Variants in KDM2B observed in about 807,000 individuals in gnomAD.
The protein encoded by KDM2B is lysine-specific demethylase 2B.
KDM2B carries 26 observed loss-of-function variants against 150.0 expected under a neutral mutation model. The ratio of observed to expected loss-of-function variants is 0.17; its 90% confidence interval spans 0.13 to 0.24. KDM2B has a LOEUF of 0.24. Among genes scored for constraint, KDM2B ranks in the 10% least tolerant of loss-of-function variants. The pLI is 1.00. For missense variants in KDM2B, 1,265 were observed against 1,816.9 expected, an observed-to-expected ratio of 0.70 and a Z score of 5.52; for synonymous variants, 734 against 729.5, an observed-to-expected ratio of 1.01 and a Z score of -0.10.
intron 11 of KDM2B, among the ~76,000 whole-genome samples, chr12:121,494,940 TCA>T (rs782189145): frequency 4.6e-5 from 7 of 151,876 alleles, no homozygotes; most frequent in African/African-American, 9.7e-5. Context: ...TCACCCATGA[TCA>T]CAGTTATGAC....
At chr12:121,438,444 A>G (rs577983791) in intron 22 of KDM2B, among the ~76,000 whole-genome samples, 171 of 152,304 alleles carry the variant, frequency 1.1e-3, no homozygotes, top group African/African-American at 3.8e-3. Context: ...CCAGGATATA[A>G]TGAAGAGATG....
At chr12:121,477,968 C>G (rs1881580546) in intron 12 of KDM2B, among the ~76,000 whole-genome samples, 1 of 151,852 alleles carries the variant, frequency 6.6e-6, no homozygotes, top group African/African-American at 2.4e-5. Flanking sequence ...GTCTTGAACT[C>G]CTGAGCTCAA....
In KDM2B at chr12:121,518,651, T is replaced by C. The variant is rs1386527678; in HGVS notation, c.1047+2334A>G. Among the ~76,000 whole-genome samples, 22 of 152,148 alleles carry C rather than the reference T, an allele frequency of 1.4e-4. No individual in the cohort carries two copies. The highest frequency in any genetic ancestry group is 1.4e-3 in the Admixed American group (22 of 15,278). On this transcript the variant is annotated intron_variant, in intron 9 of 22. Transcript: ENST00000377071. The surrounding 1 kb of genome is among the most constrained non-coding windows in gnomAD (Gnocchi z 4.4). ...GGGACCTGGGCTCCTAAGGGAACCATGGGGCCCAAATCCGCTGAGTTTACA... is the reference window on the plus strand; with the variant it reads ...GGGACCTGGGCTCCTAAGGGAACCACGGGGCCCAAATCCGCTGAGTTTACA...
intron 6 of KDM2B, among the ~76,000 whole-genome samples, 167 bp downstream of exon 6, chr12:121,548,710 C>T (rs1053897748): frequency 2.6e-5 from 4 of 152,200 alleles, no homozygotes; most frequent in African/African-American, 7.2e-5. Context: ...GACCCCGTCC[C>T]TCCTGTCCCA....
chr12:121,499,158 T>A (rs1555301483), intron 11 of KDM2B, among the ~76,000 whole-genome samples: 2 of 148,152 alleles, frequency 1.3e-5, no homozygotes, highest in Non-Finnish European at 3.0e-5. Flanking sequence ...TCGCCCAGGC[T>A]AGAGTGCAGT....
At chr12:121,534,110 G>A (rs1214884867) in intron 7 of KDM2B, among the ~76,000 whole-genome samples, 2 of 152,114 alleles carry the variant, frequency 1.3e-5, no homozygotes, top group East Asian at 3.9e-4. Context: ...AGCACTTTGG[G>A]AGGCCAAGGC....
chr12:121,440,360 C>T (rs1433351390), intron 21 of KDM2B: 3 of 481,474 alleles, frequency 6.2e-6, no homozygotes, highest in South Asian at 4.4e-5. Context: ...GCAGCATCTC[C>T]GATCCCCATG....
intron 4 of KDM2B, among the ~76,000 whole-genome samples, chr12:121,572,764 C>A (rs2136507329): frequency 6.6e-6 from 1 of 152,006 alleles, no homozygotes; most frequent in Admixed American, 6.6e-5. Flanking sequence ...AAGTGAGCCT[C>A]CCGTCACAGC....
intron 13 of KDM2B, among the ~76,000 whole-genome samples, chr12:121,450,598 G>A (rs1431324823): frequency 2.0e-5 from 3 of 151,814 alleles, no homozygotes; most frequent in East Asian, 2.0e-4. Flanking sequence ...GGTGGCTCAC[G>A]CCTGTAATCC....
chr12:121,526,584 G>A (rs1555306827), intron 8 of KDM2B, among the ~76,000 whole-genome samples: 1 of 152,052 alleles, frequency 6.6e-6, no homozygotes, highest in Non-Finnish European at 1.5e-5. Context: ...AAAAAAAATG[G>A]TGTCACATGC....
At chr12:121,463,669 C>G (rs571345735) in intron 12 of KDM2B, among the ~76,000 whole-genome samples, 2 of 152,296 alleles carry the variant, frequency 1.3e-5, no homozygotes, top group South Asian at 4.1e-4. Flanking sequence ...CAGCTTCGAA[C>G]TCCTGCGCTC....
intron 11 of KDM2B, among the ~76,000 whole-genome samples, chr12:121,506,996 C>T (rs754291029): frequency 6.6e-6 from 1 of 151,088 alleles, no homozygotes; most frequent in Admixed American, 6.6e-5. Flanking sequence ...ACTCGGGAGG[C>T]TGAGGCAGGA....
At chr12:121,475,700 C>T (rs919984024) in intron 12 of KDM2B, among the ~76,000 whole-genome samples, 8 of 151,916 alleles carry the variant, frequency 5.3e-5, no homozygotes, top group African/African-American at 1.9e-4. Context: ...TTGAGACCAG[C>T]CTGGGCAACA....
the KDM2B span, chr12:121,416,727 T>C: frequency 4.3e-5 from 9 of 208,876 alleles, no homozygotes; most frequent in Non-Finnish European, 6.8e-5. Flanking sequence ...TTCAAAAAAG[T>C]ATCCCGTACC....
At position 121,467,119 on chromosome 12, in the gene KDM2B, C is replaced by A. The variant is rs558347921; in HGVS notation, c.1735-13775G>T. ...TCAGACAGGCGGTCGGGAGGTCGTG[C>A]GGCGGGTCCCTCCCTCAGCCCCACC... On this transcript the variant is annotated intron_variant, in intron 12 of 22. Transcript: ENST00000377071. The surrounding 1 kb of genome is among the most constrained non-coding windows in gnomAD (Gnocchi z 5.1). The A allele has an allele frequency of 8.6e-3, 9,441 of 1,096,244 alleles. 53 individuals are homozygous for A. The highest frequency in any genetic ancestry group is 0.01 in the Non-Finnish European group (8,800 of 877,784). The allele number at this position is 1,096,244 out of a possible 1,614,324, so 67.9% of individuals were successfully genotyped here.
At chr12:121,428,916 C>T (rs1313185492), downstream of KDM2B, among the ~76,000 whole-genome samples, 4 of 152,212 alleles carry the variant, frequency 2.6e-5, no homozygotes, top group African/African-American at 7.2e-5. Flanking sequence ...AAGAGGCACA[C>T]AGACAGATGA....
downstream of KDM2B, among the ~76,000 whole-genome samples, chr12:121,428,442 C>T (rs1872620143): frequency 6.6e-6 from 1 of 151,960 alleles, no homozygotes; most frequent in Non-Finnish European, 1.5e-5. Context: ...TGATCCCTCC[C>T]AAAGTGCTGG....
intron 11 of KDM2B, among the ~76,000 whole-genome samples, chr12:121,505,285 C>CAA (rs34080184): frequency 4.0e-4 from 34 of 84,410 alleles, no homozygotes; most frequent in Admixed American, 1.1e-3. Flanking sequence ...GATTGCATCT[C>CAA]AAAAAAAAAA....
chr12:121,467,235 C>G lies in KDM2B; in HGVS notation c.1735-13891G>C. On this transcript the variant is annotated intron_variant, in intron 12 of 22. Coordinates refer to ENST00000377071, the MANE Select transcript of KDM2B (RefSeq NM_032590.5). The surrounding 1 kb of genome is among the most constrained non-coding windows in gnomAD (Gnocchi z 5.1). Reference sequence around the variant, plus strand: ...ATGGCTCATGGTGGGCCCAGGCTCGCGCGCGCTGACATGGCTGGAGCGGCG... The same window carrying G: ...ATGGCTCATGGTGGGCCCAGGCTCGGGCGCGCTGACATGGCTGGAGCGGCG... 1 of 1,020,050 alleles carries G rather than the reference C, an allele frequency of 9.8e-7. No individual in the cohort carries two copies. Among genetic ancestry groups the G allele is most frequent in the Non-Finnish European group, 1.2e-6 (1 of 848,046 alleles). 63.2% of individuals were successfully genotyped at this position (1,020,050 alleles called of 1,614,324 possible).
Sources: allele counts gnomAD v4.1 joint callset (sites outside exome capture counted in the v4.1 genomes callset), GRCh38; gene constraint gnomAD v4.1.1; non-coding constraint Gnocchi (gnomAD v3.1); transcripts MANE v1.5; gene names NCBI Gene and HGNC (gene_info 2026-07-23, HGNC 2026-07-21).